Variants in LRTM3 observed in about 807,000 individuals in gnomAD.
LRTM3 encodes the protein leucine-rich repeat transmembrane protein 3.
At chr13:102,742,197 G>T in the LRTM3 span, 1 of 1,550,536 alleles carries the variant, frequency 6.4e-7, no homozygotes. Context: ...GACTTCTGCT[G>T]CTGGATGTTA....
At chr13:102,741,368 T>C in the LRTM3 span, 3 of 1,549,294 alleles carry the variant, frequency 1.9e-6, no homozygotes, top group Admixed American at 2.0e-5. Context: ...TTCGGGAACA[T>C]GATCTGGATT....
At chr13:102,742,066 G>A in the LRTM3 span, 2 of 1,550,306 alleles carry the variant, frequency 1.3e-6, no homozygotes, top group African/African-American at 1.4e-5. Flanking sequence ...TGCATGTCCT[G>A]TCTTTTGGCT....
chr13:102,732,617 T>C, the LRTM3 span: 3 of 1,551,196 alleles, frequency 1.9e-6, no homozygotes, highest in South Asian at 2.4e-5. Context: ...GTTCTCCCTA[T>C]GAGTGATGAC....
chr13:102,736,218 T>A, the LRTM3 span: 1 of 1,548,340 alleles, frequency 6.5e-7, no homozygotes, highest in Admixed American at 2.0e-5. Context: ...AATGGATGAG[T>A]TTTTGTCAGA....
the LRTM3 span, chr13:102,742,953 G>GA: frequency 6.5e-7 from 1 of 1,545,654 alleles, no homozygotes; most frequent in Non-Finnish European, 8.7e-7. Context: ...CCAACTTTGA[G>GA]ACTTTCTTTT....
At chr13:102,748,689 A>G in the LRTM3 span, 1 of 1,550,134 alleles carries the variant, frequency 6.5e-7, no homozygotes. Context: ...AGAACATGAA[A>G]TTCTGTAATA....
chr13:102,745,139 C>T, the LRTM3 span: 1 of 1,550,650 alleles, frequency 6.4e-7, no homozygotes, highest in Non-Finnish European at 8.7e-7. Context: ...TTTCCTACTT[C>T]CTTGGTTTTC....
At chr13:102,749,787 C>G in the LRTM3 span, 3 of 1,551,188 alleles carry the variant, frequency 1.9e-6, no homozygotes, top group South Asian at 3.6e-5. Flanking sequence ...TTCTGAAAAG[C>G]ATTTTGTCCT....
the LRTM3 span, among the ~76,000 whole-genome samples, chr13:102,756,168 GT>G: frequency 6.6e-6 from 1 of 150,754 alleles, no homozygotes; most frequent in Non-Finnish European, 1.5e-5. Context: ...GTCCAGGCTG[GT>G]TTCGAACTCC....
At chr13:102,735,076 T>C in the LRTM3 span, 17 of 1,551,198 alleles carry the variant, frequency 1.1e-5, no homozygotes, top group Non-Finnish European at 1.5e-5. Flanking sequence ...GTGGGGAGGA[T>C]CTAGAAGGAC....
the LRTM3 span, chr13:102,731,357 G>T: frequency 6.4e-7 from 1 of 1,551,254 alleles, no homozygotes. Flanking sequence ...AGTCCCTTTT[G>T]GATAAAAGTT....
At chr13:102,746,350 C>G in the LRTM3 span, 99 of 1,550,562 alleles carry the variant, frequency 6.4e-5, no homozygotes, top group Non-Finnish European at 8.4e-5. Flanking sequence ...ATATGCTATT[C>G]TTAGCAAAGA....
the LRTM3 span, chr13:102,737,740 G>A: frequency 6.4e-7 from 1 of 1,550,620 alleles, no homozygotes; most frequent in Non-Finnish European, 8.7e-7. Context: ...CACCCTCACT[G>A]GGCACCCCAT....
At chr13:102,748,484 C>A in the LRTM3 span, 3 of 1,551,018 alleles carry the variant, frequency 1.9e-6, no homozygotes, top group Non-Finnish European at 2.6e-6. Context: ...TTTTGGTGTA[C>A]TGGTTGGTAA....
At chr13:102,736,465 C>T in the LRTM3 span, 1 of 1,551,080 alleles carries the variant, frequency 6.4e-7, no homozygotes, top group Non-Finnish European at 8.7e-7. Context: ...TTACAAGGCT[C>T]TCTGTTGGCT....
the LRTM3 span, chr13:102,739,040 G>A: frequency 3.9e-6 from 6 of 1,550,196 alleles, no homozygotes; most frequent in South Asian, 7.1e-5. Context: ...CTGCTGTGTT[G>A]ATGATGAAAG....
At chr13:102,735,688 T>C in the LRTM3 span, 1 of 1,551,196 alleles carries the variant, frequency 6.4e-7, no homozygotes, top group Non-Finnish European at 8.7e-7. Flanking sequence ...GTTGCACTGG[T>C]CCTTTTGAGT....
chr13:102,748,701 C>G, the LRTM3 span: 2 of 1,549,664 alleles, frequency 1.3e-6, no homozygotes, highest in African/African-American at 2.7e-5. Context: ...TCTGTAATAC[C>G]AATTCCCTTT....
chr13:102,735,686 G>T, the LRTM3 span: 1 of 1,551,122 alleles, frequency 6.4e-7, no homozygotes, highest in Non-Finnish European at 8.7e-7. Flanking sequence ...GGGTTGCACT[G>T]GTCCTTTTGA....
Sources: gnomAD v4.1 joint callset for allele counts (sites outside exome capture counted in the v4.1 genomes callset) on GRCh38, gnomAD v4.1.1 for gene constraint, MANE v1.5 for transcripts, NCBI Gene and HGNC (gene_info 2026-07-23, HGNC 2026-07-21) for gene names.